GREB1L: variants seen among roughly 807,000 people sequenced by gnomAD.
GREB1L encodes GREB1-like protein.
In GREB1L, 17 loss-of-function variants were observed where a neutral mutation model predicts 200.8. The ratio of observed to expected loss-of-function variants is 0.08; its 90% CI spans 0.06 to 0.13. GREB1L has a LOEUF of 0.13. Ranked by LOEUF, GREB1L falls within the 10% of genes least tolerant of loss-of-function variation. The pLI, the probability that GREB1L is intolerant of heterozygous loss-of-function variation, is 1.00. For missense variants in GREB1L, 1,657 were observed against 2,367.7 expected (o/e 0.70, Z 6.23); for synonymous variants, 789 against 893.0 (o/e 0.88, Z 2.08).
At chr18:21,378,814 T>C (rs2040183156) in intron 2 of GREB1L, among the ~76,000 whole-genome samples, 1 of 152,218 alleles carries the variant, frequency 6.6e-6, no homozygotes, top group Non-Finnish European at 1.5e-5. Flanking sequence ...TTTTGTAGGA[T>C]TCTGTATGTC....
At chr18:21,311,395 G>A (rs2038788197) in intron 1 of GREB1L, among the ~76,000 whole-genome samples, 1 of 152,206 alleles carries the variant, frequency 6.6e-6, no homozygotes, top group Non-Finnish European at 1.5e-5. Flanking sequence ...AAGTTGGTCA[G>A]AACAAGTTAT....
At chr18:21,375,796 C>T (rs1479339350) in intron 2 of GREB1L, among the ~76,000 whole-genome samples, 1 of 152,084 alleles carries the variant, frequency 6.6e-6, no homozygotes. Context: ...AGTGCTTGCT[C>T]GGCACTTAGT....
intron 1 of GREB1L, among the ~76,000 whole-genome samples, chr18:21,253,698 C>T (rs1008696667): frequency 1.5e-4 from 23 of 152,196 alleles, no homozygotes; most frequent in Non-Finnish European, 2.5e-4. Flanking sequence ...GTAATTCTAC[C>T]GTCCTTACAA....
chr18:21,299,599 G>T (rs529327550), intron 1 of GREB1L, among the ~76,000 whole-genome samples: 1 of 150,994 alleles, frequency 6.6e-6, no homozygotes, highest in South Asian at 2.1e-4. Context: ...GTAATCCCTG[G>T]CTGTGTTTGT....
At chr18:21,464,500 C>T (rs752731911) in intron 15 of GREB1L, among the ~76,000 whole-genome samples, 19 of 146,704 alleles carry the variant, frequency 1.3e-4, no homozygotes, top group African/African-American at 3.3e-4. Flanking sequence ...GCCGAGATCG[C>T]GCCACTGCAC....
At chr18:21,366,895 G>A (rs1288349356) in intron 2 of GREB1L, among the ~76,000 whole-genome samples, 1 of 152,140 alleles carries the variant, frequency 6.6e-6, no homozygotes, top group Non-Finnish European at 1.5e-5. Context: ...TGGTGACCAC[G>A]CAGATACTGA....
intron 1 of GREB1L, among the ~76,000 whole-genome samples, chr18:21,264,777 C>T (rs1194606676): frequency 6.7e-6 from 1 of 150,088 alleles, no homozygotes; most frequent in Non-Finnish European, 1.5e-5. Flanking sequence ...GTTGCAGATG[C>T]CTGGAAAGTT....
intron 1 of GREB1L, among the ~76,000 whole-genome samples, chr18:21,359,247 C>T (rs1261858209): frequency 1.2e-4 from 18 of 152,222 alleles, no homozygotes; most frequent in African/African-American, 4.1e-4. Flanking sequence ...GTCAGGAGTT[C>T]GAGACCAGCC....
intron 1 of GREB1L, among the ~76,000 whole-genome samples, chr18:21,274,925 T>G (rs1311474352): frequency 1.3e-5 from 2 of 151,356 alleles, no homozygotes; most frequent in Non-Finnish European, 2.9e-5. Flanking sequence ...AATTTTAAAA[T>G]ACCACACTTG....
At chr18:21,512,319 G>A (rs577072504) in intron 27 of GREB1L, among the ~76,000 whole-genome samples, 66 of 152,296 alleles carry the variant, frequency 4.3e-4, no homozygotes, top group Non-Finnish European at 8.7e-4. Flanking sequence ...CATAAACACA[G>A]GATGTCTTTC....
At chr18:21,384,887 AT>A (rs1354520383) in intron 4 of GREB1L, among the ~76,000 whole-genome samples, 4 of 150,252 alleles carry the variant, frequency 2.7e-5, no homozygotes, top group Non-Finnish European at 5.9e-5. Flanking sequence ...GGATTAAAAT[AT>A]TTTATACATA....
chr18:21,407,221 A>G (rs1365120066), intron 7 of GREB1L, among the ~76,000 whole-genome samples: 2 of 152,022 alleles, frequency 1.3e-5, no homozygotes, highest in Admixed American at 6.6e-5. Context: ...TTGGCCACCA[A>G]TCTCAGTGGA....
chr18:21,393,612 G>A (rs896837123), intron 4 of GREB1L, among the ~76,000 whole-genome samples: 1 of 152,174 alleles, frequency 6.6e-6, no homozygotes. Flanking sequence ...TGTATCTTTA[G>A]TAGAGACGGG....
chr18:21,386,478 A>T (rs2040545239), intron 4 of GREB1L, among the ~76,000 whole-genome samples: 1 of 151,036 alleles, frequency 6.6e-6, no homozygotes, highest in South Asian at 2.1e-4. Context: ...TTTAGTAGAG[A>T]TGGGGTTTCA....
intron 1 of GREB1L, among the ~76,000 whole-genome samples, chr18:21,322,233 A>C (rs1223617528): frequency 6.6e-6 from 1 of 152,194 alleles, no homozygotes; most frequent in East Asian, 1.9e-4. Context: ...TTAGATTAAC[A>C]AGTAAAGGAA....
chr18:21,284,172 A>T (rs2144492833), intron 1 of GREB1L, among the ~76,000 whole-genome samples: 1 of 152,344 alleles, frequency 6.6e-6, no homozygotes, highest in East Asian at 1.9e-4. Context: ...ATAAAAAAAA[A>T]GCTCTATTGA....
intron 2 of GREB1L, among the ~76,000 whole-genome samples, chr18:21,367,076 G>C (rs1245498543): frequency 2.6e-5 from 4 of 152,178 alleles, no homozygotes; most frequent in Admixed American, 1.3e-4. Flanking sequence ...CTGGAGTTAG[G>C]CTGCAACAAT....
intron 1 of GREB1L, among the ~76,000 whole-genome samples, chr18:21,253,706 C>T (rs1598607299): frequency 6.6e-6 from 1 of 152,170 alleles, no homozygotes; most frequent in Non-Finnish European, 1.5e-5. Context: ...ACCGTCCTTA[C>T]AAAGTGAACT....
At chr18:21,499,591 A>G in intron 21 of GREB1L, 138 bp from the exon 22 acceptor site, 1 of 643,088 alleles carries the variant, frequency 1.6e-6, no homozygotes, top group East Asian at 2.7e-5. Flanking sequence ...GAGAGCGGCA[A>G]AGAGAAGATT....
Sources: allele counts gnomAD v4.1 joint callset (sites outside exome capture counted in the v4.1 genomes callset), GRCh38; gene constraint gnomAD v4.1.1; transcripts MANE v1.5; gene names NCBI Gene and HGNC (gene_info 2026-07-23, HGNC 2026-07-21).